The following SEPTIN14 variants were observed in gnomAD, a reference collection of about 807,000 sequenced individuals.
The protein encoded by SEPTIN14 is septin 14, also known as septin-14.
A neutral mutation model predicts 53.6 loss-of-function variants in SEPTIN14; 40 were observed. The observed-to-expected ratio is 0.75, with a 90% CI of 0.58 to 0.97. SEPTIN14 has a LOEUF of 0.97. Among genes scored for constraint, SEPTIN14 ranks in the 50% least tolerant of loss-of-function variants. The probability of loss-of-function intolerance (pLI) is 0.00; values close to 1 mark genes in which losing one functional copy is unlikely to be tolerated. For missense variants in SEPTIN14, 471 were observed against 508.2 expected, an observed-to-expected ratio of 0.93 and a Z score of 0.70; for synonymous variants, 138 against 166.8, an observed-to-expected ratio of 0.83 and a Z score of 1.33.
chr7:55,809,598 C>A (rs1049616044), intron 7 of SEPTIN14, among the ~76,000 whole-genome samples: 1 of 151,336 alleles, frequency 6.6e-6, no homozygotes, highest in Non-Finnish European at 1.5e-5. Context: ...CTCAGGTGAT[C>A]CACGTGCCTC....
chr7:55,832,245 A>AC (rs1789122314), intron 6 of SEPTIN14, among the ~76,000 whole-genome samples: 1 of 147,098 alleles, frequency 6.8e-6, no homozygotes, highest in African/African-American at 2.5e-5. Flanking sequence ...ACACACACAC[A>AC]AAATAAGATA....
chr7:55,845,463 A>C (rs1360412465), intron 3 of SEPTIN14, among the ~76,000 whole-genome samples: 1 of 152,220 alleles, frequency 6.6e-6, no homozygotes, highest in Non-Finnish European at 1.5e-5. Context: ...ACAGGAGTAG[A>C]AATAAGTTTT....
At chr7:55,799,565 T>A (rs4510809) in intron 9 of SEPTIN14, among the ~76,000 whole-genome samples, 13 of 145,446 alleles carry the variant, frequency 8.9e-5, no homozygotes, top group African/African-American at 3.3e-4. Context: ...AGATATTCCA[T>A]GCAAATTATA....
At chr7:55,853,570 A>C (rs1016623717) in intron 2 of SEPTIN14, among the ~76,000 whole-genome samples, 4 of 152,168 alleles carry the variant, frequency 2.6e-5, no homozygotes, top group African/African-American at 9.6e-5. Context: ...AATGGGTACA[A>C]GGATATAGTT....
intron 2 of SEPTIN14, chr7:55,850,687 C>T (rs1789501679): frequency 1.3e-5 from 2 of 152,128 alleles, no homozygotes; most frequent in Admixed American, 1.3e-4. Flanking sequence ...ATCCTATCTC[C>T]TTCCTCTTTT....
chr7:55,854,006 A>C (rs969366622), intron 2 of SEPTIN14, among the ~76,000 whole-genome samples: 2 of 152,070 alleles, frequency 1.3e-5, no homozygotes, highest in Non-Finnish European at 2.9e-5. Context: ...TCGTCGTCCC[A>C]GCTACTCTGG....
intron 2 of SEPTIN14, among the ~76,000 whole-genome samples, chr7:55,860,276 G>A (rs1484374034): frequency 6.6e-6 from 1 of 152,056 alleles, no homozygotes; most frequent in African/African-American, 2.4e-5. Context: ...GTTAAGTGAA[G>A]TAAGTCAGAC....
chr7:55,861,666 G>T (rs535366641), intron 2 of SEPTIN14, among the ~76,000 whole-genome samples: 20 of 152,228 alleles, frequency 1.3e-4, no homozygotes, highest in Middle Eastern at 6.8e-3. Context: ...CATTTATTGG[G>T]CGATTCAGAA....
chr7:55,804,801 C>G (rs1245521671), intron 9 of SEPTIN14, among the ~76,000 whole-genome samples: 1 of 152,006 alleles, frequency 6.6e-6, no homozygotes, highest in Admixed American at 6.6e-5. Context: ...GCTTTTTTCC[C>G]CATTTTATTA....
intron 2 of SEPTIN14, among the ~76,000 whole-genome samples, chr7:55,859,875 A>G (rs1369156720): frequency 4.6e-5 from 7 of 152,196 alleles, no homozygotes; most frequent in Non-Finnish European, 1.0e-4. Context: ...AGTTGTATAT[A>G]TACACATTTA....
In SEPTIN14 at chr7:55,808,615, G is replaced by A. The variant is rs373583496; in HGVS notation, c.818-1357C>T. On this transcript the variant is annotated intron_variant, in intron 7 of 9. Coordinates refer to ENST00000388975, the MANE Select transcript of SEPTIN14 (RefSeq NM_207366.3). The stretch of plus-strand genomic sequence containing the variant: ...CACCCAGGCTGGAGTGCAGCAGTGC[G>A]ACCTCAGCTCACTGCAACCTCCGCC... 3.9e-5 allele frequency among the ~76,000 whole-genome samples: 6 copies of A among 152,168 alleles called. No individual in the cohort carries two copies. The East Asian group carries it at 9.6e-4, about 24-fold the overall frequency.
intron 9 of SEPTIN14, chr7:55,798,067 T>A (rs1281994860): frequency 5.6e-6 from 1 of 177,112 alleles, no homozygotes; most frequent in African/African-American, 2.4e-5. Flanking sequence ...GATGCTTGCA[T>A]TCAGCAAGGC....
In SEPTIN14 at chr7:55,794,609, G is replaced by C. The variant is rs796862188; in HGVS notation, c.*1304C>G. On this transcript the variant is annotated 3_prime_UTR_variant, in exon 10 of 10. Coordinates refer to ENST00000388975, the MANE Select transcript of SEPTIN14 (RefSeq NM_207366.3). ...TTCCCCCAAATTATAAAATCTGTAA[G>C]ATGATTTAACAATATGTATAAAAGT... 26 of 152,274 alleles carry C rather than the reference G, an allele frequency of 1.7e-4. No individual in the cohort carries two copies. Among genetic ancestry groups the C allele is most frequent in the African/African-American group, 6.3e-4 (26 of 41,550 alleles). The allele number at this position is 152,274 out of a possible 1,614,324, so 9.4% of individuals were successfully genotyped here.
At chr7:55,854,416 T>C (rs984870105) in intron 2 of SEPTIN14, among the ~76,000 whole-genome samples, 1 of 151,832 alleles carries the variant, frequency 6.6e-6, no homozygotes, top group Non-Finnish European at 1.5e-5. Context: ...GTTGCCATTT[T>C]ATACATTGTA....
rs1378444041 is a variant in SEPTIN14 at position 55,794,680 on chromosome 7, G to A, written c.*1233C>T. On this transcript the variant is annotated 3_prime_UTR_variant, in exon 10 of 10. Coordinates refer to ENST00000388975, the MANE Select transcript of SEPTIN14 (RefSeq NM_207366.3). ...GGCTTATACCAGGTGTGGTGACTCA[G>A]CGCTCTGTCACCCAGGCTGGAGTGC... 1 of 152,118 alleles carries A rather than the reference G, an allele frequency of 6.6e-6. No homozygotes were observed. The highest frequency in any genetic ancestry group is 2.4e-5 in the African/African-American group (1 of 41,424). 9.4% of individuals were successfully genotyped at this position (152,118 alleles called of 1,614,324 possible).
chr7:55,841,719 G>T (rs778178012), intron 5 of SEPTIN14, among the ~76,000 whole-genome samples: 2 of 152,118 alleles, frequency 1.3e-5, no homozygotes, highest in Non-Finnish European at 2.9e-5. Flanking sequence ...GCCAGGCATG[G>T]TGGCACATGC....
intron 6 of SEPTIN14, among the ~76,000 whole-genome samples, chr7:55,829,180 A>G (rs1174978327): frequency 1.3e-5 from 2 of 151,874 alleles, no homozygotes; most frequent in African/African-American, 4.8e-5. Context: ...GGAGTTCCAG[A>G]TCAGCCTGGG....
At chr7:55,820,686 T>A (rs1325219433) in intron 6 of SEPTIN14, among the ~76,000 whole-genome samples, 1 of 152,178 alleles carries the variant, frequency 6.6e-6, no homozygotes, top group Non-Finnish European at 1.5e-5. Context: ...ATGCCTATAA[T>A]CCTAGCACTT....
intron 6 of SEPTIN14, among the ~76,000 whole-genome samples, chr7:55,830,342 TATA>T (rs1465668388): frequency 0.13 from 5,574 of 43,190 alleles, 425 homozygotes; most frequent in South Asian, 0.18. Context: ...TATATATATA[TATA>T]TATATTTTTT....
Sources: gnomAD v4.1 joint callset for allele counts (sites outside exome capture counted in the v4.1 genomes callset) on GRCh38, gnomAD v4.1.1 for gene constraint, MANE v1.5 for transcripts, NCBI Gene and HGNC (gene_info 2026-07-23, HGNC 2026-07-21) for gene names.